EVC: variants seen among roughly 807,000 people sequenced by gnomAD.
The protein encoded by EVC is EvC ciliary complex subunit 1.
A neutral mutation model predicts 118.9 loss-of-function variants in EVC; 116 were observed. The observed-to-expected ratio is 0.98, with a 90% confidence interval of 0.84 to 1.14. EVC has a LOEUF of 1.14. EVC is among the 50% of genes most tolerant of loss of function. EVC has a pLI of 0.00. For synonymous variants in EVC, 619 were observed against 534.7 expected (o/e 1.16, Z -2.18); for missense variants, 1,401 against 1,246.4 (o/e 1.12, Z -1.87).
At chr4:5,745,158 A>AT in intron 6 of EVC, 46 bp from the exon 7 acceptor site, 1 of 1,589,106 alleles carries the variant, frequency 6.3e-7, no homozygotes, top group Non-Finnish European at 8.6e-7. Context: ...GACACGCTAA[A>AT]CTTTTTCTTT....
At chr4:5,745,085 C>A in intron 6 of EVC, 119 bp from the exon 7 acceptor site, 5 of 969,562 alleles carry the variant, frequency 5.2e-6, no homozygotes, top group Non-Finnish European at 4.5e-6. Context: ...GAGCATTTAA[C>A]TATTGTTTAA....
rs1712292286 is a variant in EVC at position 5,789,200 on chromosome 4, C to T, written c.1777-4408C>T. On this transcript the variant is annotated intron_variant, in intron 12 of 20. Transcript: ENST00000264956. The surrounding 1 kb of genome is among the most constrained non-coding windows in gnomAD (Gnocchi z 4.3). ...ACATCGTGTTGCTTCTCTGCAGAAC[C>T]CCCAATGGCTTCTCATTTCACACAG... Among the ~76,000 whole-genome samples, 2 of 152,088 alleles carry T rather than the reference C, an allele frequency of 1.3e-5. No homozygotes were observed. The highest frequency in any genetic ancestry group is 2.4e-5 in the African/African-American group (1 of 41,416).
intron 16 of EVC, among the ~76,000 whole-genome samples, chr4:5,803,148 C>T (rs540669440): frequency 6.6e-6 from 1 of 152,308 alleles, no homozygotes; most frequent in South Asian, 2.1e-4. Context: ...TGGTTGGAAG[C>T]CAATTTCTTA....
rs748405269 is a variant in EVC, at chr4:5,809,504, T to G, written c.2689-14T>G. ...GGAGGCCCAGCTGAATGCTCCTCTCTGCTTGCATTTCAGGAAGCTGAACAG... is the reference window on the plus strand; with the variant it reads ...GGAGGCCCAGCTGAATGCTCCTCTCGGCTTGCATTTCAGGAAGCTGAACAG... On this transcript the variant is annotated splice_polypyrimidine_tract_variant and intron_variant, in intron 18 of 20. Coordinates refer to ENST00000264956, the MANE Select transcript of EVC (RefSeq NM_153717.3). 1.2e-6 allele frequency: 2 copies of G among 1,613,298 alleles called. No homozygotes were observed. Among genetic ancestry groups the G allele is most frequent in the African/African-American group, 2.7e-5 (2 of 75,038 alleles).
chr4:5,779,322 G>A (rs1203309369), intron 11 of EVC, among the ~76,000 whole-genome samples: 8 of 151,832 alleles, frequency 5.3e-5, no homozygotes, highest in African/African-American at 1.5e-4. Flanking sequence ...TTGGCGATGC[G>A]GGCTCCTTTT....
At chr4:5,718,535 G>C (rs1724367085) in intron 1 of EVC, among the ~76,000 whole-genome samples, 1 of 151,802 alleles carries the variant, frequency 6.6e-6, no homozygotes, top group Non-Finnish European at 1.5e-5. Flanking sequence ...TGTGCTACTA[G>C]AGTATGAAAA....
Position 5,756,917 on chromosome 4 carries a change from C to G in EVC, c.1563+555C>G, listed in dbSNP as rs556626923. Among the ~76,000 whole-genome samples, 383 of 152,266 alleles carry G rather than the reference C, an allele frequency of 2.5e-3. 1 individual carries two copies. Among genetic ancestry groups the G allele is most frequent in the African/African-American group, 8.3e-3 (345 of 41,550 alleles). On this transcript the variant is annotated intron_variant, in intron 11 of 20. Coordinates refer to ENST00000264956, the MANE Select transcript of EVC (RefSeq NM_153717.3). This position sits in a 1 kb window ranked among gnomAD's most constrained non-coding sequence, Gnocchi z 4.2. ...ATGCTGAGCCAGACAGAGCCCCTGC[C>G]TCAGGCAGCATCCTCAGTTGTTGGA...
At chr4:5,814,643 A>C (rs1424021027), downstream of EVC, among the ~76,000 whole-genome samples, 2 of 152,100 alleles carry the variant, frequency 1.3e-5, no homozygotes, top group African/African-American at 4.8e-5. Context: ...GGCCTAGCAG[A>C]TGCCCTTCCC....
rs543591683 is a variant in EVC, at chr4:5,811,248, G to A, written c.*211G>A. On this transcript the variant is annotated 3_prime_UTR_variant, in exon 21 of 21. Transcript: ENST00000264956. ...TTAGGCATTCCCGTCTTGGAAACAC[G>A]TCTCTGTGAGTTTGCATTTCATTTG... 1.7e-5 allele frequency: 9 copies of A among 541,392 alleles called. No homozygotes were observed. The highest frequency in any genetic ancestry group is 5.7e-5 in the African/African-American group (3 of 52,590). 33.5% of individuals were successfully genotyped at this position (541,392 alleles called of 1,614,324 possible).
chr4:5,761,055 C>T (rs769463755), intron 11 of EVC, among the ~76,000 whole-genome samples: 4 of 152,144 alleles, frequency 2.6e-5, no homozygotes, highest in African/African-American at 4.8e-5. Context: ...CCTCCATTGC[C>T]GATTGGAGAG....
At chr4:5,792,569 G>T (rs1459336278) in intron 12 of EVC, among the ~76,000 whole-genome samples, 1 of 152,156 alleles carries the variant, frequency 6.6e-6, no homozygotes, top group Non-Finnish European at 1.5e-5. Context: ...CGTAAGTCAG[G>T]CCGTGAAAAG....
In EVC at chr4:5,715,180, G is replaced by A. The variant is rs146825021; in HGVS notation, c.174+3626G>A. On this transcript the variant is annotated intron_variant, in intron 1 of 20. Transcript: ENST00000264956. Reference sequence around the variant, plus strand: ...ATTTAACTCTCCCCCACATATGTGCGTTTGTGTTCAAGACATTTGAATGCA... The same window carrying A: ...ATTTAACTCTCCCCCACATATGTGCATTTGTGTTCAAGACATTTGAATGCA... Among the ~76,000 whole-genome samples the A allele has an allele frequency of 1.7e-3, 257 of 152,180 alleles. 1 individual carries two copies. The highest frequency in any genetic ancestry group is 5.5e-3 in the African/African-American group (229 of 41,522).
the EVC span, chr4:5,821,886 C>T: frequency 3.8e-6 from 6 of 1,563,194 alleles, no homozygotes; most frequent in Non-Finnish European, 5.2e-6. This position sits in a 1 kb window ranked among gnomAD's most constrained non-coding sequence, Gnocchi z 4.4. Context: ...TGGATGGGAT[C>T]TGTTAGCATC....
In EVC at chr4:5,802,037, G is replaced by C. The variant is rs142738089; in HGVS notation, c.2392G>C (p.Gly798Arg). 6.2e-7 allele frequency: 1 copy of C among 1,614,240 alleles called. No homozygotes were observed. Among genetic ancestry groups the C allele is most frequent in the East Asian group, 2.2e-5 (1 of 44,890 alleles). Residue 798 changes from glycine to arginine, a missense_variant, in exon 16 of 21, where the codon GGA (glycine) becomes CGA (arginine). Physicochemically the swap from Gly to Arg is moderately radical, Grantham distance 125 (BLOSUM62 -2). Coordinates refer to ENST00000264956, the MANE Select transcript of EVC (RefSeq NM_153717.3). ...RLVQAYYQQIGRIMEDHEERK... is the reference protein window; with the variant it reads ...RLVQAYYQQIRRIMEDHEERK... ...GGTGCAGGCGTATTACCAGCAAATC[G>C]GAAGGATCATGGAGGACCACGAGGA...
intron 1 of EVC, among the ~76,000 whole-genome samples, chr4:5,713,957 A>C (rs1184642072): frequency 6.6e-6 from 1 of 152,240 alleles, no homozygotes; most frequent in African/African-American, 2.4e-5. Context: ...TGGTGCATAC[A>C]GTGGCTTACC....
chr4:5,773,578 G>A (rs2152233008), intron 11 of EVC, among the ~76,000 whole-genome samples: 1 of 152,282 alleles, frequency 6.6e-6, no homozygotes, highest in South Asian at 2.1e-4. Flanking sequence ...TATGTGGCAA[G>A]GGGTGTGGGT....
chr4:5,740,698 A>G (rs1251464725), intron 5 of EVC, among the ~76,000 whole-genome samples: 10 of 152,194 alleles, frequency 6.6e-5, no homozygotes, highest in Non-Finnish European at 2.9e-5. Context: ...TGTCCACCAA[A>G]GGACTAGTAC....
In EVC at chr4:5,769,803, A is replaced by C. The variant is rs550653897; in HGVS notation, c.1563+13441A>C. On this transcript the variant is annotated intron_variant, in intron 11 of 20. Coordinates refer to ENST00000264956, the MANE Select transcript of EVC (RefSeq NM_153717.3). ...TGTCCCAGGAAGTTAGGGCTGAGAAAAAGAGAAAACACTGGACTCTGTCCT... is the reference window on the plus strand; with the variant it reads ...TGTCCCAGGAAGTTAGGGCTGAGAACAAGAGAAAACACTGGACTCTGTCCT... Among the ~76,000 whole-genome samples the C allele has an allele frequency of 1.3e-3, 203 of 152,284 alleles. 1 individual carries two copies. The highest frequency in any genetic ancestry group is 4.8e-3 in the Admixed American group (73 of 15,312).
At chr4:5,733,765 AATG>A (rs1273082555) in intron 5 of EVC, among the ~76,000 whole-genome samples, 8 of 152,212 alleles carry the variant, frequency 5.3e-5, no homozygotes, top group African/African-American at 1.9e-4. Context: ...GAATGATAAT[AATG>A]ATAAGAATAT....
Sources: allele counts gnomAD v4.1 joint callset (sites outside exome capture counted in the v4.1 genomes callset), GRCh38; gene constraint gnomAD v4.1.1; non-coding constraint Gnocchi (gnomAD v3.1); transcripts MANE v1.5; gene names NCBI Gene and HGNC (gene_info 2026-07-23, HGNC 2026-07-21).